The following VWA8 variants were observed in gnomAD, a reference collection of about 807,000 sequenced individuals.
VWA8 encodes the protein von Willebrand factor A domain containing 8.
In VWA8, 221 loss-of-function variants were observed where a neutral mutation model predicts 241.5. The ratio of observed to expected loss-of-function variants is 0.91; its 90% CI spans 0.82 to 1.02. The LOEUF (loss-of-function observed/expected upper bound fraction) is 1.02, where lower values mean the gene tolerates loss of function less well. Among genes scored for constraint, VWA8 ranks in the 50% least tolerant of loss-of-function variants. The pLI is 0.00. For missense variants in VWA8, 2,322 were observed against 2,328.7 expected, an observed-to-expected ratio of 1.00 and a Z score of 0.06; for synonymous variants, 852 against 827.1, an observed-to-expected ratio of 1.03 and a Z score of -0.52.
At chr13:41,677,390 C>T (rs1442230682) in intron 35 of VWA8, among the ~76,000 whole-genome samples, 2 of 152,204 alleles carry the variant, frequency 1.3e-5, no homozygotes, top group African/African-American at 4.8e-5. Flanking sequence ...AGAAACACTG[C>T]TTAGTCTTCA....
At chr13:41,694,275 T>G (rs1006944878) in intron 29 of VWA8, among the ~76,000 whole-genome samples, 6 of 152,016 alleles carry the variant, frequency 3.9e-5, no homozygotes, top group African/African-American at 1.4e-4. Flanking sequence ...TTTGTGGAAG[T>G]GTTCAAGAAT....
At chr13:41,700,130 C>G (rs1593705092) in intron 28 of VWA8, among the ~76,000 whole-genome samples, 1 of 152,250 alleles carries the variant, frequency 6.6e-6, no homozygotes, top group Middle Eastern at 3.4e-3. Context: ...ACCTATCACC[C>G]AGGTATCTAT....
Position 41,671,058 on chromosome 13 carries a change from A to G in VWA8, c.4499T>C (p.Val1500Ala), listed in dbSNP as rs934193941. Residue 1500 changes from valine (V) to alanine (A), a missense_variant, in exon 37 of 45, where the codon GTT (valine) becomes GCT (alanine). By Grantham distance (64) the Val-to-Ala change is moderately conservative (BLOSUM62 0). Coordinates refer to ENST00000379310, the MANE Select transcript of VWA8 (RefSeq NM_015058.2). The stretch of plus-strand genomic sequence containing the variant: ...GATGTGACCTCCCATATCAACAGTA[A>G]CAACACCGCTTTTGTCCCACTCAGC... ...LLAEWDKSGVVTVDMGGHIRL... is the reference protein window; with the variant it reads ...LLAEWDKSGVATVDMGGHIRL... 1 of 1,613,996 alleles carries G rather than the reference A, an allele frequency of 6.2e-7. No individual in the cohort carries two copies.
intron 17 of VWA8, among the ~76,000 whole-genome samples, chr13:41,797,453 T>G (rs1478450849): frequency 2.0e-5 from 3 of 152,184 alleles, no homozygotes; most frequent in Non-Finnish European, 4.4e-5. Flanking sequence ...GTCCATTATA[T>G]CAAGTTTGTT....
intron 21 of VWA8, among the ~76,000 whole-genome samples, chr13:41,746,094 G>A (rs1392497308): frequency 2.0e-5 from 3 of 152,132 alleles, no homozygotes; most frequent in Admixed American, 2.0e-4. Flanking sequence ...TTCTGCAAAA[G>A]GAAGAGTAGA....
chr13:41,849,803 C>T (rs1244132340), intron 12 of VWA8, among the ~76,000 whole-genome samples: 1 of 152,016 alleles, frequency 6.6e-6, no homozygotes, highest in Non-Finnish European at 1.5e-5. Context: ...AGGAGAATCA[C>T]TTGAACCTGG....
chr13:41,716,458 C>G (rs2045348523), intron 26 of VWA8, among the ~76,000 whole-genome samples: 1 of 152,064 alleles, frequency 6.6e-6, no homozygotes, highest in East Asian at 1.9e-4. Context: ...ATCACCGCTA[C>G]TGAACAGACA....
chr13:41,589,816 T>C (rs1462986728), intron 41 of VWA8, among the ~76,000 whole-genome samples: 1 of 152,170 alleles, frequency 6.6e-6, no homozygotes, highest in South Asian at 2.1e-4. Context: ...CTGTGTGCTC[T>C]TCAAGTCCAC....
intron 40 of VWA8, among the ~76,000 whole-genome samples, chr13:41,591,619 GA>G: frequency 6.6e-6 from 1 of 151,128 alleles, no homozygotes; most frequent in Non-Finnish European, 1.5e-5. Context: ...AAATTTACAA[GA>G]AAAAAACAAA....
intron 21 of VWA8, among the ~76,000 whole-genome samples, chr13:41,743,240 T>C (rs2045581248): frequency 1.3e-5 from 2 of 152,142 alleles, no homozygotes; most frequent in Admixed American, 6.5e-5. Flanking sequence ...ATGTAAGGCA[T>C]GGAAAGGAGA....
intron 20 of VWA8, among the ~76,000 whole-genome samples, chr13:41,766,276 A>G (rs562689181): frequency 6.6e-6 from 1 of 152,340 alleles, no homozygotes; most frequent in South Asian, 2.1e-4. Flanking sequence ...CTGGACAAGA[A>G]AAAAATACAG....
intron 37 of VWA8, among the ~76,000 whole-genome samples, chr13:41,641,313 A>G (rs554474351): frequency 3.9e-5 from 6 of 152,316 alleles, no homozygotes; most frequent in African/African-American, 1.4e-4. Context: ...TTAGAGCAAA[A>G]AGGAAATCTT....
At position 41,932,740 on chromosome 13, in the gene VWA8, C is replaced by T. The variant is rs780506295; in HGVS notation, c.241+17196G>A. 5.3e-5 allele frequency among the ~76,000 whole-genome samples: 8 copies of T among 151,608 alleles called. No homozygotes were observed. The South Asian group carries it at 1.3e-3, about 24-fold the overall frequency. On this transcript the variant is annotated intron_variant, in intron 2 of 44. Coordinates refer to ENST00000379310, the MANE Select transcript of VWA8 (RefSeq NM_015058.2). ...AAACACAAGATCATATCAAAAGACA[C>T]GGAAAAAGCACTTGATGACATCCAA...
chr13:41,638,948 T>C (rs948741549), intron 37 of VWA8, among the ~76,000 whole-genome samples: 1 of 152,090 alleles, frequency 6.6e-6, no homozygotes, highest in African/African-American at 2.4e-5. Flanking sequence ...AGACAGGCCT[T>C]TGACAAGAGA....
chr13:41,936,511 A>G (rs1593882737), intron 2 of VWA8, among the ~76,000 whole-genome samples: 1 of 152,140 alleles, frequency 6.6e-6, no homozygotes, highest in South Asian at 2.1e-4. Context: ...TCATTTTCTC[A>G]TTTAAACAAT....
At chr13:41,783,753 A>C (rs764147645) in intron 19 of VWA8, 42 bp downstream of exon 19, 2 of 1,443,898 alleles carry the variant, frequency 1.4e-6, no homozygotes, top group Non-Finnish European at 1.9e-6. Context: ...GTACTACCAC[A>C]ATTTAAGTGA....
chr13:41,682,379 A>G (rs1318075210), intron 35 of VWA8, among the ~76,000 whole-genome samples: 1 of 152,200 alleles, frequency 6.6e-6, no homozygotes, highest in Non-Finnish European at 1.5e-5. Flanking sequence ...TAAAAAATTA[A>G]CTCAAAATGG....
At chr13:41,926,081 T>TA in intron 2 of VWA8, 1 of 485,156 alleles carries the variant, frequency 2.1e-6, no homozygotes, top group South Asian at 2.7e-5. Flanking sequence ...ATCCCAGAAA[T>TA]TATAAATCAG....
chr13:41,841,861 A>ATATATATATG (rs1566478213), intron 12 of VWA8, among the ~76,000 whole-genome samples: 1 of 87,026 alleles, frequency 1.1e-5, no homozygotes, highest in Non-Finnish European at 2.2e-5. Flanking sequence ...ATATATATAA[A>ATATATATATG]AACAGTAGAC....
Sources: allele counts gnomAD v4.1 joint callset (sites outside exome capture counted in the v4.1 genomes callset), GRCh38; gene constraint gnomAD v4.1.1; transcripts MANE v1.5; gene names NCBI Gene and HGNC (gene_info 2026-07-23, HGNC 2026-07-21).